Variants in SPMIP3 observed in about 807,000 individuals in gnomAD.
The protein encoded by SPMIP3 is protein SPMIP3.
chr1:244,384,552 T>C, the SPMIP3 span, among the ~76,000 whole-genome samples: 3 of 152,112 alleles, frequency 2.0e-5, no homozygotes, highest in Non-Finnish European at 4.4e-5. Context: ...TTTTAAAAAA[T>C]CTGGACGCCC....
At chr1:244,377,129 A>AT in the SPMIP3 span, among the ~76,000 whole-genome samples, 5,857 of 139,226 alleles carry the variant, frequency 0.042, 117 homozygotes, top group Middle Eastern at 0.11. Context: ...CTTTATTTTT[A>AT]TTTTTTTTTT....
chr1:244,363,167 A>G, the SPMIP3 span, among the ~76,000 whole-genome samples: 1 of 152,136 alleles, frequency 6.6e-6, no homozygotes, highest in Admixed American at 6.6e-5. Context: ...GCACTTTGAG[A>G]GGCCGAGGTG....
the SPMIP3 span, among the ~76,000 whole-genome samples, chr1:244,379,679 T>C: frequency 6.6e-6 from 1 of 152,054 alleles, no homozygotes; most frequent in Non-Finnish European, 1.5e-5. Flanking sequence ...CTGCAGCATG[T>C]AAAAAAATAC....
the SPMIP3 span, among the ~76,000 whole-genome samples, chr1:244,358,236 A>AAAAAG: frequency 1.6e-4 from 24 of 151,112 alleles, no homozygotes; most frequent in East Asian, 7.8e-4. Flanking sequence ...TCTCAAAAAG[A>AAAAAG]AAAAGAAAAG....
chr1:244,364,642 T>G, the SPMIP3 span: 1 of 1,479,996 alleles, frequency 6.8e-7, no homozygotes, highest in Non-Finnish European at 9.5e-7. Flanking sequence ...CATGGAATTA[T>G]GTATAAACTG....
chr1:244,372,588 T>C, the SPMIP3 span, among the ~76,000 whole-genome samples: 578 of 152,006 alleles, frequency 3.8e-3, 3 homozygotes, highest in Admixed American at 7.3e-3. Context: ...GGACTACAGG[T>C]GCCCGCCACC....
the SPMIP3 span, among the ~76,000 whole-genome samples, chr1:244,355,666 A>AT: frequency 6.6e-6 from 1 of 152,192 alleles, no homozygotes; most frequent in Admixed American, 6.5e-5. Flanking sequence ...GATTACAGGC[A>AT]TGAGCCACCG....
chr1:244,373,796 G>T, the SPMIP3 span, among the ~76,000 whole-genome samples: 1 of 151,866 alleles, frequency 6.6e-6, no homozygotes, highest in Non-Finnish European at 1.5e-5. Context: ...TAATATAAAA[G>T]GAAAAGCAAT....
At chr1:244,380,167 C>T in the SPMIP3 span, among the ~76,000 whole-genome samples, 3 of 127,760 alleles carry the variant, frequency 2.3e-5, no homozygotes, top group Non-Finnish European at 3.1e-5. Flanking sequence ...TTCACTCTGT[C>T]GCCCAGGCTG....
At chr1:244,358,841 C>G in the SPMIP3 span, among the ~76,000 whole-genome samples, 1 of 151,996 alleles carries the variant, frequency 6.6e-6, no homozygotes, top group Admixed American at 6.6e-5. Flanking sequence ...CTTTTGTTTG[C>G]TTTGGAAGAA....
chr1:244,374,492 G>A, the SPMIP3 span, among the ~76,000 whole-genome samples: 1 of 151,516 alleles, frequency 6.6e-6, no homozygotes, highest in Non-Finnish European at 1.5e-5. Context: ...AGTATAATGA[G>A]CTCCCATTTA....
the SPMIP3 span, chr1:244,378,353 T>C: frequency 9.3e-7 from 1 of 1,071,804 alleles, no homozygotes; most frequent in Non-Finnish European, 1.3e-6. Flanking sequence ...GGGAGTCTTG[T>C]CAATACTCTC....
At chr1:244,385,800 T>C in the SPMIP3 span, among the ~76,000 whole-genome samples, 2 of 152,234 alleles carry the variant, frequency 1.3e-5, no homozygotes, top group East Asian at 3.9e-4. Context: ...ATTGCATATA[T>C]CACTGAGATT....
the SPMIP3 span, among the ~76,000 whole-genome samples, chr1:244,371,261 A>C: frequency 6.6e-6 from 1 of 152,192 alleles, no homozygotes; most frequent in Non-Finnish European, 1.5e-5. Flanking sequence ...GGCTTTCTAC[A>C]GCTGGTTAAA....
chr1:244,369,813 C>T, the SPMIP3 span, among the ~76,000 whole-genome samples: 2 of 145,718 alleles, frequency 1.4e-5, no homozygotes, highest in African/African-American at 5.3e-5. Context: ...AGCTGGCCGC[C>T]CCACCCTAAT....
At chr1:244,358,666 A>G in the SPMIP3 span, among the ~76,000 whole-genome samples, 1 of 151,980 alleles carries the variant, frequency 6.6e-6, no homozygotes, top group African/African-American at 2.4e-5. Context: ...ATACAAAAAC[A>G]TGAAAATAGT....
At chr1:244,376,361 AC>A in the SPMIP3 span, 1 of 152,234 alleles carries the variant, frequency 6.6e-6, no homozygotes, top group Admixed American at 6.5e-5. Flanking sequence ...TGATGAGTTC[AC>A]AGCGATATAC....
chr1:244,367,726 C>T, the SPMIP3 span, among the ~76,000 whole-genome samples: 9 of 152,194 alleles, frequency 5.9e-5, no homozygotes, highest in African/African-American at 2.2e-4. Context: ...GGTCCAGACA[C>T]CACAGAGCAC....
At chr1:244,378,504 T>C in the SPMIP3 span, 1 of 1,613,822 alleles carries the variant, frequency 6.2e-7, no homozygotes, top group Non-Finnish European at 8.5e-7. Flanking sequence ...CAAGACAAAA[T>C]ATCACTATCA....
Sources: gnomAD v4.1 joint callset for allele counts (sites outside exome capture counted in the v4.1 genomes callset) on GRCh38, gnomAD v4.1.1 for gene constraint, MANE v1.5 for transcripts, NCBI Gene and HGNC (gene_info 2026-07-23, HGNC 2026-07-21) for gene names.